Variants in SP100 observed in about 807,000 individuals in gnomAD.
SP100 encodes nuclear autoantigen Sp-100.
SP100 carries 84 observed loss-of-function variants against 130.0 expected under a neutral mutation model. The ratio of observed to expected loss-of-function variants is 0.65; its 90% CI spans 0.54 to 0.77. The LOEUF (loss-of-function observed/expected upper bound fraction) is 0.77. Among genes scored for constraint, SP100 ranks in the 30% least tolerant of loss-of-function variants. SP100 has a pLI of 0.00. For synonymous variants in SP100, 331 were observed against 351.7 expected, an observed-to-expected ratio of 0.94 and a Z score of 0.66; for missense variants, 978 against 1,052.2, an observed-to-expected ratio of 0.93 and a Z score of 0.97.
chr2:230,517,560 G>C (rs1348238081), intron 24 of SP100, among the ~76,000 whole-genome samples: 1 of 152,080 alleles, frequency 6.6e-6, no homozygotes, highest in Admixed American at 6.5e-5. Flanking sequence ...TCAGAAATTT[G>C]AGACCAGCCT....
intron 8 of SP100, among the ~76,000 whole-genome samples, chr2:230,459,699 C>T (rs1192215837): frequency 1.3e-5 from 2 of 152,194 alleles, no homozygotes; most frequent in African/African-American, 4.8e-5. Flanking sequence ...TCTAACTTGT[C>T]CATTTCTCTT....
At chr2:230,419,284 G>A (rs562724310) in intron 2 of SP100, among the ~76,000 whole-genome samples, 27 of 152,298 alleles carry the variant, frequency 1.8e-4, no homozygotes, top group Admixed American at 9.2e-4. Flanking sequence ...GATACTTGGC[G>A]TTCTGAGGAG....
intron 4 of SP100, among the ~76,000 whole-genome samples, chr2:230,445,847 C>CT (rs1434441257): frequency 6.6e-6 from 1 of 152,148 alleles, no homozygotes; most frequent in African/African-American, 2.4e-5. Context: ...GTTTCTGGCG[C>CT]TCCTTGTGCT....
chr2:230,470,192 CT>C, intron 15 of SP100, 94 bp downstream of exon 15: 2 of 1,499,780 alleles, frequency 1.3e-6, no homozygotes, highest in South Asian at 2.6e-5. Flanking sequence ...TTCTGAGCAC[CT>C]TCACTACCTT....
At chr2:230,427,898 A>T (rs908407980) in intron 2 of SP100, among the ~76,000 whole-genome samples, 38 of 152,352 alleles carry the variant, frequency 2.5e-4, no homozygotes, top group Middle Eastern at 3.4e-3. Context: ...TGTCTCCAAT[A>T]ACAAATTACT....
At position 230,511,151 on chromosome 2, in the gene SP100, C is replaced by T. The variant is rs766229909; in HGVS notation, c.2079C>T (p.Thr693=). 2.5e-6 allele frequency: 4 copies of T among 1,609,036 alleles called. No individual in the cohort carries two copies. Among genetic ancestry groups the T allele is most frequent in the East Asian group, 2.2e-5 (1 of 44,846 alleles). The change falls in exon 24 of 29, where the codon ACC becomes ACT. Residue 693 remains threonine, a synonymous_variant. Coordinates refer to ENST00000340126, the MANE Select transcript of SP100 (RefSeq NM_001080391.2). ...KKRILESHNN[T]LVDPCPENSN... is the part of the protein sequence containing the mutation. ...GAATACTGGAATCTCACAACAATAC[C>T]TTAGTTGACCCTTGTGTAAGTATAA...
intron 2 of SP100, among the ~76,000 whole-genome samples, chr2:230,438,639 G>GTATATATATATATATA (rs142300655): frequency 1.8e-4 from 24 of 135,134 alleles, no homozygotes; most frequent in African/African-American, 6.6e-4. Context: ...ACTCCATGGT[G>GTATATATATATATATA]TATATATATA....
intron 27 of SP100, 91 bp from the exon 28 acceptor site, chr2:230,541,801 G>T: frequency 7.2e-7 from 1 of 1,396,860 alleles, no homozygotes; most frequent in East Asian, 2.3e-5. Context: ...TTTGACCTAT[G>T]GATTGGGGGA....
intron 17 of SP100, among the ~76,000 whole-genome samples, chr2:230,481,024 TTGGTGGTGGTGGTGGTGG>T (rs80161443): frequency 6.9e-6 from 1 of 144,222 alleles, no homozygotes; most frequent in African/African-American, 2.6e-5. Flanking sequence ...AGTGGTAGTA[TTGGTGGTGGTGGTGGTGG>T]TGGTGGTGGT....
chr2:230,483,517 A>T (rs2065926423), intron 17 of SP100, among the ~76,000 whole-genome samples: 1 of 152,250 alleles, frequency 6.6e-6, no homozygotes, highest in Non-Finnish European at 1.5e-5. Context: ...AAGAGAAGAC[A>T]TCAGAGAGTT....
At chr2:230,437,548 G>GT (rs966010881) in intron 2 of SP100, among the ~76,000 whole-genome samples, 248 of 151,438 alleles carry the variant, frequency 1.6e-3, no homozygotes, top group African/African-American at 4.7e-3. Context: ...TTTTTTCTTT[G>GT]TTTTTTTTGT....
chr2:230,436,965 T>TATATGTGTATACACACACGC (rs770613051), intron 2 of SP100, among the ~76,000 whole-genome samples: 1 of 98,040 alleles, frequency 1.0e-5, no homozygotes, highest in South Asian at 2.7e-4. Flanking sequence ...TACACACACA[T>TATATGTGTATACACACACGC]ATATATGTGT....
chr2:230,521,298 T>A (rs1691158858), intron 24 of SP100, among the ~76,000 whole-genome samples: 1 of 152,284 alleles, frequency 6.6e-6, no homozygotes, highest in South Asian at 2.1e-4. Context: ...GCTCCATTTG[T>A]CTTATCAGAG....
At position 230,494,486 on chromosome 2, in the gene SP100, C is replaced by A. The variant is rs571310868; in HGVS notation, c.1645+26C>A. On this transcript the variant is annotated intron_variant, in intron 18 of 28. Transcript: ENST00000340126. ...GTAAGAAGAAATGTGGGGATTTACT[C>A]CTTTGAACTCGCTGTGGTCCTGTTC... The A allele has an allele frequency of 3.8e-6, 6 of 1,561,418 alleles. No individual in the cohort carries two copies. The South Asian group carries it at 6.7e-5, about 17-fold the overall frequency.
At chr2:230,471,290 G>A (rs1235694241) in intron 15 of SP100, among the ~76,000 whole-genome samples, 1 of 152,204 alleles carries the variant, frequency 6.6e-6, no homozygotes, top group Non-Finnish European at 1.5e-5. Flanking sequence ...AGTGTGGCCA[G>A]ATAGAGTAGG....
chr2:230,470,355 G>T, intron 15 of SP100: 1 of 1,126,956 alleles, frequency 8.9e-7, no homozygotes, highest in Non-Finnish European at 1.1e-6. Flanking sequence ...TAGCAAATTT[G>T]TGGTATTCTT....
In SP100 at chr2:230,485,246, C is replaced by T. The variant is rs1463556966; in HGVS notation, c.1601-9170C>T. Among the ~76,000 whole-genome samples, 4 of 152,126 alleles carry T rather than the reference C, an allele frequency of 2.6e-5. No homozygotes were observed. In the East Asian group the frequency reaches 7.7e-4, roughly 29 times the overall value. ...GGGATGACAGGCATGAGCTACCACACCCAGCTAAGACTTTTCCCCTCCCTT... is the reference window on the plus strand; with the variant it reads ...GGGATGACAGGCATGAGCTACCACATCCAGCTAAGACTTTTCCCCTCCCTT... On this transcript the variant is annotated intron_variant, in intron 17 of 28. Transcript: ENST00000340126.
At chr2:230,537,534 C>A (rs1691993466) in intron 24 of SP100, 1 of 152,200 alleles carries the variant, frequency 6.6e-6, no homozygotes, top group African/African-American at 2.4e-5. Flanking sequence ...GAGGAAAAGG[C>A]AACTCTTCCA....
At chr2:230,540,244 T>C (rs1692117670) in intron 25 of SP100, among the ~76,000 whole-genome samples, 2 of 152,198 alleles carry the variant, frequency 1.3e-5, no homozygotes, top group African/African-American at 4.8e-5. Flanking sequence ...GATGCTGGCA[T>C]CACTAGGATG....
Sources: allele counts gnomAD v4.1 joint callset (sites outside exome capture counted in the v4.1 genomes callset), GRCh38; gene constraint gnomAD v4.1.1; transcripts MANE v1.5; gene names NCBI Gene and HGNC (gene_info 2026-07-23, HGNC 2026-07-21).